Variants in HAL observed in about 807,000 individuals in gnomAD.
HAL encodes the protein histidine ammonia-lyase.
In HAL, 85 loss-of-function variants were observed where a neutral mutation model predicts 81.1. That is an observed-to-expected ratio of 1.05 (90% CI 0.88 to 1.25). The LOEUF is 1.25. Ranked by LOEUF, HAL falls within the 50% of genes most tolerant of loss-of-function variation. HAL has a pLI of 0.00. For synonymous variants in HAL, 301 were observed against 309.2 expected, an observed-to-expected ratio of 0.97 and a Z score of 0.28; for missense variants, 798 against 836.6, an observed-to-expected ratio of 0.95 and a Z score of 0.57.
chr12:95,993,448 T>C lies in HAL; in HGVS notation c.589+3A>G. The stretch of plus-strand genomic sequence containing the variant: ...CCAGGAGGCACCCAACGTTTTGACT[T>C]ACCTGAAGAATGTGAGCGTACTAAG... On this transcript the variant is annotated splice_donor_region_variant and intron_variant, in intron 8 of 20. Coordinates refer to ENST00000261208, the MANE Select transcript of HAL (RefSeq NM_002108.4). 6.3e-7 allele frequency: 1 copy of C among 1,595,266 alleles called. No individual in the cohort carries two copies. Among genetic ancestry groups the C allele is most frequent in the Non-Finnish European group, 8.6e-7 (1 of 1,162,668 alleles).
chr12:95,993,986 C>T lies in HAL; in HGVS notation c.424G>A (p.Ala142Thr). The change falls in exon 6 of 21, where the codon GCT (alanine) becomes ACT (threonine). Residue 142 changes from alanine to threonine, a missense_variant. Transcript: ENST00000261208. ...CTGGATTTCTGCACCCTCTTCTCAG[C>T]TGTTGGGGTGAGCTAGGAAAATGTT... ...GRYKIKLTPT[A>T]EKRVQKSREV... The T allele has an allele frequency of 1.2e-6, 2 of 1,612,160 alleles. No homozygotes were observed. Among genetic ancestry groups the T allele is most frequent in the Non-Finnish European group, 1.7e-6 (2 of 1,178,212 alleles).
intron 2 of HAL, 73 bp downstream of exon 2, chr12:95,995,591 G>A (rs772925554): frequency 1.3e-5 from 20 of 1,590,080 alleles, no homozygotes; most frequent in Non-Finnish European, 1.5e-5. Context: ...TCCCTGAGGT[G>A]GGGGTTCAAT....
chr12:95,982,550 C>T (rs1267298088), intron 15 of HAL, among the ~76,000 whole-genome samples: 1 of 152,190 alleles, frequency 6.6e-6, no homozygotes. Context: ...ACTACTATTC[C>T]ATCTGGGGGA....
chr12:95,985,847 C>G, intron 14 of HAL, 61 bp downstream of exon 14: 1 of 1,136,378 alleles, frequency 8.8e-7, no homozygotes. Flanking sequence ...CATCCTGAAC[C>G]TGGGGAAAGA....
At chr12:95,992,139 G>A (rs1385475551) in intron 9 of HAL, among the ~76,000 whole-genome samples, 1 of 152,198 alleles carries the variant, frequency 6.6e-6, no homozygotes, top group Admixed American at 6.5e-5. Flanking sequence ...CTCCAGAGTT[G>A]AGTTCCCTCA....
intron 12 of HAL, among the ~76,000 whole-genome samples, chr12:95,986,660 A>G (rs76882214): frequency 0.14 from 21,211 of 152,044 alleles, 1,878 homozygotes; most frequent in Non-Finnish European, 0.21. Flanking sequence ...TATAGTTGGG[A>G]GGTCGTCAAA....
intron 20 of HAL, among the ~76,000 whole-genome samples, chr12:95,975,763 A>G (rs1312897199): frequency 6.6e-6 from 1 of 152,174 alleles, no homozygotes; most frequent in Non-Finnish European, 1.5e-5. Flanking sequence ...ATCACAGGGA[A>G]AAATCACTGC....
intron 17 of HAL, among the ~76,000 whole-genome samples, chr12:95,979,481 G>A (rs1466888685): frequency 6.6e-6 from 1 of 152,120 alleles, no homozygotes; most frequent in East Asian, 1.9e-4. Context: ...TGTAAATTGA[G>A]GATCAACAGG....
At position 95,994,866 on chromosome 12, in the gene HAL, A is replaced by G. The variant is rs888721149; in HGVS notation, c.309-41T>C. 7 of 1,611,952 alleles carry G rather than the reference A, an allele frequency of 4.3e-6. No homozygotes were observed. In the Admixed American group the frequency reaches 8.3e-5, roughly 19 times the overall value. The stretch of plus-strand genomic sequence containing the variant: ...GGAACATATAGGGTGGTGTGGAAAA[A>G]CCCCCAGCCCCACCATCTGCAGGAG... On this transcript the variant is annotated intron_variant, in intron 3 of 20. Transcript: ENST00000261208.
chr12:95,980,085 T>G (rs771848541), intron 17 of HAL, among the ~76,000 whole-genome samples: 48 of 152,262 alleles, frequency 3.2e-4, no homozygotes, highest in Non-Finnish European at 6.5e-4. Context: ...ATTTTTTTAA[T>G]GTTGCAATAA....
At chr12:95,977,642 C>CAAAA (rs60410496) in intron 18 of HAL, among the ~76,000 whole-genome samples, 13,145 of 99,326 alleles carry the variant, frequency 0.13, 1,370 homozygotes, top group East Asian at 0.3. Context: ...GATCCTGCCT[C>CAAAA]AAAAAAAAAA....
intron 9 of HAL, 28 bp downstream of exon 9, chr12:95,992,652 G>C (rs1348377097): frequency 1.0e-5 from 16 of 1,599,814 alleles, no homozygotes; most frequent in Non-Finnish European, 1.4e-5. Context: ...CCTCCACAGA[G>C]GTTCCGTCTA....
intron 10 of HAL, 189 bp downstream of exon 10, chr12:95,990,204 C>A: frequency 1.5e-6 from 1 of 657,152 alleles, no homozygotes; most frequent in South Asian, 1.7e-5. Flanking sequence ...GGCTGACAGC[C>A]GAGTATAGAA....
chr12:95,995,566 C>G, intron 2 of HAL, 98 bp downstream of exon 2: 1 of 1,543,210 alleles, frequency 6.5e-7, no homozygotes, highest in Non-Finnish European at 8.9e-7. Context: ...CAAGCCTGAC[C>G]TCTGCTCATC....
chr12:95,992,092 G>T (rs2136824713), intron 9 of HAL, among the ~76,000 whole-genome samples: 1 of 152,292 alleles, frequency 6.6e-6, no homozygotes, highest in East Asian at 1.9e-4. Context: ...CTGCAAATCT[G>T]GTTTCCACAT....
chr12:95,976,822 T>A (rs975734484), intron 18 of HAL, 116 bp from the exon 19 acceptor site: 2 of 731,504 alleles, frequency 2.7e-6, no homozygotes, highest in African/African-American at 1.7e-5. Flanking sequence ...GTTTGTTCTC[T>A]GTCTATTGGT....
chr12:95,992,782 C>G lies in HAL; in HGVS notation c.613G>C (p.Glu205Gln), dbSNP rs1270098476. 6.2e-7 allele frequency: 1 copy of G among 1,613,120 alleles called. No individual in the cohort carries two copies. Among genetic ancestry groups the G allele is most frequent in the East Asian group, 2.2e-5 (1 of 44,868 alleles). The change falls in exon 9 of 21, where the codon GAG (glutamate) becomes CAG (glutamine). Residue 205 changes from glutamate (E) to glutamine (Q), a missense_variant. By Grantham distance (29) the Glu-to-Gln change is conservative. Coordinates refer to ENST00000261208, the MANE Select transcript of HAL (RefSeq NM_002108.4). ...AAAGCCAAGAGCATCCGACACCTCT[C>G]AGGACTTAGTGGTTTCCCAACACCT... ...SSGVGKPLSP[E>Q]RCRMLLALRI... is the part of the protein sequence containing the mutation.
chr12:95,991,427 C>T (rs934800015), intron 9 of HAL, among the ~76,000 whole-genome samples: 1 of 152,134 alleles, frequency 6.6e-6, no homozygotes, highest in Non-Finnish European at 1.5e-5. Flanking sequence ...GGAGGTGGTG[C>T]ACCAAAGCAT....
At position 95,995,803 on chromosome 12, in the gene HAL, G is replaced by GAT; in HGVS notation, c.106_107dup (p.Lys37SerfsTer39). 6.2e-7 allele frequency: 1 copy of GAT among 1,613,170 alleles called. No individual in the cohort carries two copies. Among genetic ancestry groups the GAT allele is most frequent in the Non-Finnish European group, 8.5e-7 (1 of 1,180,018 alleles). On this transcript the variant is annotated frameshift_variant, in exon 2 of 21. Coordinates refer to ENST00000261208, the MANE Select transcript of HAL (RefSeq NM_002108.4). LOFTEE classifies it high-confidence loss of function. ...AGCCACCATTGTCGGGCTTATTCTT[G>GAT]ATATAGCGCCTCACGGCCTCCCGGC...
Sources: gnomAD v4.1 joint callset for allele counts (sites outside exome capture counted in the v4.1 genomes callset) on GRCh38, gnomAD v4.1.1 for gene constraint, MANE v1.5 for transcripts, NCBI Gene and HGNC (gene_info 2026-07-23, HGNC 2026-07-21) for gene names.